CDH12: variants seen among roughly 807,000 people sequenced by gnomAD.
The protein encoded by CDH12 is cadherin 12.
In CDH12, 41 loss-of-function variants were observed where a neutral mutation model predicts 74.1. The ratio of observed to expected loss-of-function variants is 0.55; its 90% CI spans 0.43 to 0.72. The LOEUF (loss-of-function observed/expected upper bound fraction) is 0.72, where lower values mean the gene tolerates loss of function less well. Ranked by LOEUF, CDH12 falls within the 30% of genes least tolerant of loss-of-function variation. The pLI is 0.00. For synonymous variants in CDH12, 399 were observed against 355.0 expected, an observed-to-expected ratio of 1.12 and a Z score of -1.39; for missense variants, 945 against 977.2, an observed-to-expected ratio of 0.97 and a Z score of 0.44.
In CDH12 at chr5:22,681,942, A is replaced by G. The variant is rs118061952; in HGVS notation, c.-523+171116T>C. ...TCTGTATCTGACAGTATGACATGAAATCCATCAAACAGTAAAACAGAAGGA... is the reference window on the plus strand; with the variant it reads ...TCTGTATCTGACAGTATGACATGAAGTCCATCAAACAGTAAAACAGAAGGA... On this transcript the variant is annotated intron_variant, in intron 1 of 14. Transcript: ENST00000382254. Among the ~76,000 whole-genome samples the G allele has an allele frequency of 2.9e-4, 44 of 152,120 alleles. No individual in the cohort carries two copies. The East Asian group carries it at 4.8e-3, about 17-fold the overall frequency.
chr5:22,842,091 T>A (rs534394332), intron 1 of CDH12, among the ~76,000 whole-genome samples: 39 of 152,266 alleles, frequency 2.6e-4, no homozygotes, highest in South Asian at 6.2e-4. Context: ...AAAACTTTTT[T>A]AAAATGAAAA....
At chr5:22,116,103 G>T (rs1409708883) in intron 4 of CDH12, among the ~76,000 whole-genome samples, 2 of 152,146 alleles carry the variant, frequency 1.3e-5, no homozygotes, top group African/African-American at 4.8e-5. Context: ...TTAAAAAAGG[G>T]AGAGCACCTT....
At chr5:22,212,084 G>A (rs1751577084) in intron 4 of CDH12, 1 of 151,258 alleles carries the variant, frequency 6.6e-6, no homozygotes, top group Non-Finnish European at 1.5e-5. Context: ...GTAGAAAGCT[G>A]CACAAAATCT....
At chr5:21,983,314 G>A (rs1338022138) in intron 5 of CDH12, among the ~76,000 whole-genome samples, 1 of 151,948 alleles carries the variant, frequency 6.6e-6, no homozygotes, top group Non-Finnish European at 1.5e-5. Flanking sequence ...ATCTGAAATT[G>A]TATTCATTAT....
intron 1 of CDH12, among the ~76,000 whole-genome samples, chr5:22,625,474 G>T (rs966524110): frequency 2.0e-5 from 3 of 152,154 alleles, no homozygotes; most frequent in Non-Finnish European, 4.4e-5. Flanking sequence ...TGGGAAGGTG[G>T]CAGGGGAAGG....
chr5:22,099,979 T>G (rs1744042672), intron 4 of CDH12, among the ~76,000 whole-genome samples: 1 of 152,164 alleles, frequency 6.6e-6, no homozygotes, highest in Non-Finnish European at 1.5e-5. Flanking sequence ...TTCAGTTTAA[T>G]CTCTCCCACT....
chr5:22,438,032 G>A (rs1194109178), intron 2 of CDH12, among the ~76,000 whole-genome samples: 3 of 151,922 alleles, frequency 2.0e-5, no homozygotes, highest in African/African-American at 7.2e-5. Flanking sequence ...TTTTAGGGAA[G>A]CAAAGTATCT....
At chr5:22,653,485 T>C (rs1739848378) in intron 1 of CDH12, among the ~76,000 whole-genome samples, 1 of 152,024 alleles carries the variant, frequency 6.6e-6, no homozygotes, top group Non-Finnish European at 1.5e-5. Flanking sequence ...GCTGTTGGGT[T>C]CTATTTTTTC....
intron 3 of CDH12, among the ~76,000 whole-genome samples, chr5:22,222,102 C>T (rs988910712): frequency 3.3e-5 from 5 of 151,910 alleles, no homozygotes; most frequent in African/African-American, 7.2e-5. Flanking sequence ...TAAATATTAG[C>T]TGAGCAAATG....
At chr5:22,837,647 T>C (rs1231469414) in intron 1 of CDH12, among the ~76,000 whole-genome samples, 1 of 152,174 alleles carries the variant, frequency 6.6e-6, no homozygotes, top group African/African-American at 2.4e-5. Context: ...TCTGGATGAA[T>C]TGAAGTGTTG....
chr5:22,326,398 G>T (rs1739106708), intron 3 of CDH12, among the ~76,000 whole-genome samples: 1 of 151,970 alleles, frequency 6.6e-6, no homozygotes, highest in African/African-American at 2.4e-5. Context: ...ACCACGCCGG[G>T]CTAGTTTTTT....
intron 5 of CDH12, among the ~76,000 whole-genome samples, chr5:21,976,740 A>G (rs1757087033): frequency 6.6e-6 from 1 of 152,010 alleles, no homozygotes; most frequent in Non-Finnish European, 1.5e-5. Context: ...ATTTCTAACC[A>G]TTTGGGCTAT....
intron 1 of CDH12, among the ~76,000 whole-genome samples, chr5:22,577,894 A>G (rs1739872563): frequency 6.6e-6 from 1 of 152,246 alleles, no homozygotes; most frequent in South Asian, 2.1e-4. Context: ...AGGAACAACT[A>G]ACATAAATTA....
At chr5:21,828,590 A>G (rs1256568307) in intron 8 of CDH12, among the ~76,000 whole-genome samples, 3 of 152,182 alleles carry the variant, frequency 2.0e-5, no homozygotes, top group Non-Finnish European at 4.4e-5. Context: ...TAATTCTTTC[A>G]TAACAACCCA....
At chr5:21,903,700 G>A (rs1003089817) in intron 6 of CDH12, among the ~76,000 whole-genome samples, 1 of 151,976 alleles carries the variant, frequency 6.6e-6, no homozygotes, top group Non-Finnish European at 1.5e-5. Context: ...AGTCTTTTCT[G>A]GATAGTTGGA....
chr5:21,778,349 C>T (rs1160392156), intron 11 of CDH12, among the ~76,000 whole-genome samples: 1 of 150,724 alleles, frequency 6.6e-6, no homozygotes, highest in African/African-American at 2.4e-5. Flanking sequence ...GCATAGAAAG[C>T]TATTAATATA....
Position 22,123,945 on chromosome 5 carries a change from G to A in CDH12, c.-186-45083C>T, listed in dbSNP as rs570223350. Reference sequence around the variant, plus strand: ...GTTTTTTAATTTTTAAAAAAGTTTTGTAATTTTTTTATTTTTTATTTTATT... The same window carrying A: ...GTTTTTTAATTTTTAAAAAAGTTTTATAATTTTTTTATTTTTTATTTTATT... On this transcript the variant is annotated intron_variant, in intron 4 of 14. Coordinates refer to ENST00000382254, the MANE Select transcript of CDH12 (RefSeq NM_004061.5). Among the ~76,000 whole-genome samples, 4 of 151,460 alleles carry A rather than the reference G, an allele frequency of 2.6e-5. No homozygotes were observed. The East Asian group carries it at 7.8e-4, about 29-fold the overall frequency.
At chr5:22,180,834 C>G (rs1186741211) in intron 4 of CDH12, among the ~76,000 whole-genome samples, 1 of 152,072 alleles carries the variant, frequency 6.6e-6, no homozygotes, top group Non-Finnish European at 1.5e-5. Flanking sequence ...AGAGAATACA[C>G]TGCAGTTACC....
At chr5:21,763,726 A>G (rs1417475155) in intron 12 of CDH12, among the ~76,000 whole-genome samples, 2 of 152,128 alleles carry the variant, frequency 1.3e-5, no homozygotes, top group African/African-American at 4.8e-5. Context: ...AAATTCATTC[A>G]TAAGACTTTA....
Sources: gnomAD v4.1 joint callset for allele counts (sites outside exome capture counted in the v4.1 genomes callset) on GRCh38, gnomAD v4.1.1 for gene constraint, MANE v1.5 for transcripts, NCBI Gene and HGNC (gene_info 2026-07-23, HGNC 2026-07-21) for gene names.